Variants in CPEB1 observed in about 807,000 individuals in gnomAD.
CPEB1 encodes the protein cytoplasmic polyadenylation element binding protein 1.
In CPEB1, 7 loss-of-function variants were observed where a neutral mutation model predicts 65.8. That is an observed-to-expected ratio of 0.11 (90% CI 0.06 to 0.20). The LOEUF (loss-of-function observed/expected upper bound fraction) is 0.20, where lower values mean the gene tolerates loss of function less well. Ranked by LOEUF, CPEB1 falls within the 10% of genes least tolerant of loss-of-function variation. The pLI is 1.00. For synonymous variants in CPEB1, 262 were observed against 260.0 expected (o/e 1.01, Z -0.08); for missense variants, 551 against 712.2 (o/e 0.77, Z 2.58).
chr15:82,546,345 T>G (rs972534978), intron 12 of CPEB1, 96 bp downstream of exon 12: 1 of 947,628 alleles, frequency 1.1e-6, no homozygotes, highest in Non-Finnish European at 1.7e-6. Context: ...TCCGCCCACC[T>G]TGGCATCCCA....
intron 3 of CPEB1, among the ~76,000 whole-genome samples, chr15:82,601,787 A>T (rs566605223): frequency 2.1e-5 from 3 of 143,698 alleles, no homozygotes; most frequent in Non-Finnish European, 3.1e-5. Flanking sequence ...AATGCATTTC[A>T]TAAGTATCGA....
At chr15:82,545,760 T>C (rs1307504735) in intron 12 of CPEB1, among the ~76,000 whole-genome samples, 2 of 152,166 alleles carry the variant, frequency 1.3e-5, no homozygotes, top group Non-Finnish European at 1.5e-5. Context: ...GAAGTTCAGA[T>C]GTAAAGGAGG....
At chr15:82,572,429 C>T (rs562630082) in intron 3 of CPEB1, among the ~76,000 whole-genome samples, 2 of 152,234 alleles carry the variant, frequency 1.3e-5, no homozygotes, top group East Asian at 1.9e-4. Context: ...GTTCCAGGTA[C>T]ACCTCAAAGG....
Position 82,627,318 on chromosome 15 carries a change from G to A in CPEB1, c.146C>T (p.Pro49Leu). 1.9e-6 allele frequency: 3 copies of A among 1,613,396 alleles called. No individual in the cohort carries two copies. Among genetic ancestry groups the A allele is most frequent in the Non-Finnish European group, 2.5e-6 (3 of 1,179,632 alleles). The stretch of plus-strand genomic sequence containing the variant: ...GGCATTACTACACGTGGAGAGAGCA[G>A]GTGCTTCCTGGTTGTCCCAGCAATC... ...IKDCWDNQEA[P>L]ALSTCSNANI... The change falls in exon 3 of 13, where the codon CCT becomes CTT. Residue 49 changes from proline to leucine, a missense_variant. Coordinates refer to ENST00000684509, the MANE Select transcript of CPEB1 (RefSeq NM_001365242.1).
intron 3 of CPEB1, among the ~76,000 whole-genome samples, chr15:82,580,196 C>T (rs2041133288): frequency 6.6e-6 from 1 of 151,424 alleles, no homozygotes; most frequent in African/African-American, 2.4e-5. Flanking sequence ...TGCCACGTGC[C>T]TGTAGTCCCA....
At chr15:82,573,122 G>C (rs1471442296) in intron 3 of CPEB1, 1 of 1,535,526 alleles carries the variant, frequency 6.5e-7, no homozygotes, top group Admixed American at 2.0e-5. Flanking sequence ...AGGGTCGAGA[G>C]AATAATGCTG....
chr15:82,553,841 C>T, intron 7 of CPEB1, 37 bp downstream of exon 7: 1 of 1,390,266 alleles, frequency 7.2e-7, no homozygotes, highest in South Asian at 1.2e-5. Context: ...CATGCCCCAC[C>T]CTTCAACTCT....
intron 1 of CPEB1, among the ~76,000 whole-genome samples, chr15:82,644,278 CCTT>C (rs1316919740): frequency 2.6e-5 from 4 of 152,298 alleles, no homozygotes; most frequent in Non-Finnish European, 4.4e-5. Flanking sequence ...CAGACCACCA[CCTT>C]TTTTCTAGAA....
At chr15:82,617,738 T>G (rs1268529737) in intron 3 of CPEB1, among the ~76,000 whole-genome samples, 2 of 131,312 alleles carry the variant, frequency 1.5e-5, no homozygotes, top group South Asian at 2.8e-4. Flanking sequence ...TTTTTTTTTT[T>G]TTTTTTTTTT....
chr15:82,632,287 C>G (rs1200811782), intron 1 of CPEB1, among the ~76,000 whole-genome samples: 1 of 151,838 alleles, frequency 6.6e-6, no homozygotes, highest in Non-Finnish European at 1.5e-5. Context: ...CAGCCAAATT[C>G]ATTTATTTTT....
chr15:82,605,236 C>T (rs1388611914), intron 3 of CPEB1, among the ~76,000 whole-genome samples: 2 of 152,170 alleles, frequency 1.3e-5, no homozygotes, highest in Non-Finnish European at 2.9e-5. Context: ...TACTAAAGAG[C>T]ATCTTTCCCA....
chr15:82,545,149 T>A (rs1323102543), intron 12 of CPEB1, among the ~76,000 whole-genome samples: 1 of 152,230 alleles, frequency 6.6e-6, no homozygotes, highest in Non-Finnish European at 1.5e-5. Flanking sequence ...TTTCTCAGTC[T>A]AGTCCCATCT....
intron 3 of CPEB1, among the ~76,000 whole-genome samples, chr15:82,612,765 C>T (rs534920740): frequency 2.0e-5 from 3 of 151,814 alleles, no homozygotes; most frequent in Admixed American, 6.6e-5. Flanking sequence ...ACCTGGGGGG[C>T]GGAGGTTGCA....
intron 3 of CPEB1, among the ~76,000 whole-genome samples, chr15:82,611,852 C>T (rs905634012): frequency 8.0e-5 from 12 of 149,670 alleles, no homozygotes; most frequent in East Asian, 3.9e-4. Flanking sequence ...ATAACAGAAT[C>T]GGGGGAGGGA....
chr15:82,557,667 G>A (rs1348611531), intron 5 of CPEB1, 93 bp downstream of exon 5: 6 of 1,044,746 alleles, frequency 5.7e-6, no homozygotes, highest in Non-Finnish European at 8.6e-6. Context: ...CATTCCAGGG[G>A]ACAGGCATCC....
At chr15:82,549,790 G>T in intron 9 of CPEB1, 132 bp from the exon 10 acceptor site, 1 of 833,574 alleles carries the variant, frequency 1.2e-6, no homozygotes, top group East Asian at 2.7e-5. Flanking sequence ...AGGTGCTGTT[G>T]CCCAATCTCA....
chr15:82,605,345 T>A (rs994412206), intron 3 of CPEB1, among the ~76,000 whole-genome samples: 33 of 152,124 alleles, frequency 2.2e-4, no homozygotes, highest in Admixed American at 1.6e-3. Context: ...AGAGAGTATA[T>A]TTTTGTCTTT....
At chr15:82,616,916 C>G (rs2044769039) in intron 3 of CPEB1, among the ~76,000 whole-genome samples, 1 of 152,158 alleles carries the variant, frequency 6.6e-6, no homozygotes, top group Admixed American at 6.5e-5. Flanking sequence ...ATGTTTCAAC[C>G]TATGTATACA....
chr15:82,629,455 T>C lies in CPEB1; in HGVS notation c.-97-899A>G, dbSNP rs545422211. On this transcript the variant is annotated intron_variant, in intron 1 of 12. Coordinates refer to ENST00000684509, the MANE Select transcript of CPEB1 (RefSeq NM_001365242.1). ...CGAATGAAAAAAGAACTCCTATATATATATATAAAAAATCATGAACCCTTA... is the reference window on the plus strand; with the variant it reads ...CGAATGAAAAAAGAACTCCTATATACATATATAAAAAATCATGAACCCTTA... The C allele has an allele frequency of 1.1e-4, 111 of 979,912 alleles. No individual in the cohort carries two copies. In the African/African-American group the frequency reaches 1.9e-3, roughly 16 times the overall value. 60.7% of individuals were successfully genotyped at this position (979,912 alleles called of 1,614,324 possible).
Sources: gnomAD v4.1 joint callset for allele counts (sites outside exome capture counted in the v4.1 genomes callset) on GRCh38, gnomAD v4.1.1 for gene constraint, MANE v1.5 for transcripts, NCBI Gene and HGNC (gene_info 2026-07-23, HGNC 2026-07-21) for gene names.